The following JAZF1 variants were observed in gnomAD, a reference collection of about 807,000 sequenced individuals.
The protein encoded by JAZF1 is JAZF zinc finger 1, also known as juxtaposed with another zinc finger protein 1.
JAZF1 carries 8 observed loss-of-function variants against 26.4 expected under a neutral mutation model. The observed-to-expected ratio is 0.30, with a 90% CI of 0.18 to 0.55. The LOEUF (loss-of-function observed/expected upper bound fraction) is 0.55. Ranked by LOEUF, JAZF1 falls within the 20% of genes least tolerant of loss-of-function variation. The probability of loss-of-function intolerance (pLI) is 0.94; values close to 1 mark genes in which losing one functional copy is unlikely to be tolerated. For missense variants in JAZF1, 199 were observed against 322.0 expected, an observed-to-expected ratio of 0.62 and a Z score of 2.92; for synonymous variants, 126 against 122.3, an observed-to-expected ratio of 1.03 and a Z score of -0.20.
chr7:28,028,700 A>G (rs553185235), intron 1 of JAZF1, among the ~76,000 whole-genome samples: 9 of 152,340 alleles, frequency 5.9e-5, no homozygotes, highest in African/African-American at 1.9e-4. Flanking sequence ...AACTCTATTA[A>G]GCGTTGGTGA....
At chr7:27,980,985 A>G (rs1311083527) in intron 2 of JAZF1, among the ~76,000 whole-genome samples, 1 of 152,184 alleles carries the variant, frequency 6.6e-6, no homozygotes, top group African/African-American at 2.4e-5. Flanking sequence ...CTACAAATAC[A>G]TATCCAAAGT....
chr7:28,008,207 T>G (rs1407994728), intron 1 of JAZF1, among the ~76,000 whole-genome samples: 5 of 151,970 alleles, frequency 3.3e-5, no homozygotes, highest in African/African-American at 9.7e-5. Flanking sequence ...TTTTAATTAT[T>G]TATTTTTAAA....
chr7:27,894,102 A>G (rs961065400), intron 3 of JAZF1, among the ~76,000 whole-genome samples: 1 of 152,210 alleles, frequency 6.6e-6, no homozygotes. Flanking sequence ...GGAAGACAAG[A>G]GTGATCTTGT....
chr7:27,852,418 G>GATT (rs1783168886), intron 3 of JAZF1, among the ~76,000 whole-genome samples: 1 of 152,146 alleles, frequency 6.6e-6, no homozygotes, highest in African/African-American at 2.4e-5. Flanking sequence ...ACAGGCATGA[G>GATT]CCACTGCACC....
intron 3 of JAZF1, among the ~76,000 whole-genome samples, chr7:27,871,408 C>T (rs1361314554): frequency 1.3e-5 from 2 of 152,316 alleles, no homozygotes; most frequent in South Asian, 2.1e-4. Context: ...AGGAGAATAC[C>T]ACTTTTCATC....
chr7:28,123,613 C>T (rs976042857), intron 1 of JAZF1, among the ~76,000 whole-genome samples: 1 of 152,230 alleles, frequency 6.6e-6, no homozygotes, highest in Non-Finnish European at 1.5e-5. Flanking sequence ...GTGCTGGCCA[C>T]AAAGCCTGGC....
intron 1 of JAZF1, among the ~76,000 whole-genome samples, chr7:28,173,023 TC>T (rs1373365626): frequency 1.3e-5 from 2 of 152,214 alleles, no homozygotes; most frequent in Non-Finnish European, 2.9e-5. Context: ...AAAATCTTCT[TC>T]CAATTTTACC....
chr7:27,987,980 T>C (rs949263595), intron 2 of JAZF1, among the ~76,000 whole-genome samples: 1 of 152,168 alleles, frequency 6.6e-6, no homozygotes, highest in African/African-American at 2.4e-5. Context: ...AAACAGAGGC[T>C]TGAAGGCAGC....
At chr7:27,988,741 T>G (rs371898470) in intron 2 of JAZF1, among the ~76,000 whole-genome samples, 72 of 152,178 alleles carry the variant, frequency 4.7e-4, no homozygotes, top group African/African-American at 1.7e-3. Flanking sequence ...CATTATACTG[T>G]TTTATTTCTG....
At position 27,846,450 on chromosome 7, in the gene JAZF1, C is replaced by T. The variant is rs975788851; in HGVS notation, c.386-5583G>A. 8.5e-6 allele frequency: 4 copies of T among 469,522 alleles called. No homozygotes were observed. In the East Asian group the frequency reaches 2.1e-4, roughly 25 times the overall value. 29.1% of individuals were successfully genotyped at this position (469,522 alleles called of 1,614,324 possible). A position where few individuals can be genotyped will look rare whatever the true frequency, so the allele number is the denominator to read the frequency against. On this transcript the variant is annotated intron_variant, in intron 3 of 4. Coordinates refer to ENST00000283928, the MANE Select transcript of JAZF1 (RefSeq NM_175061.4). ...ACACACAGATTCTTGGTGCATTCAT[C>T]CACCGATGGACAAGTTGGTTGTTTC...
intron 2 of JAZF1, among the ~76,000 whole-genome samples, chr7:27,981,721 T>C (rs1404038364): frequency 1.3e-5 from 2 of 152,246 alleles, no homozygotes; most frequent in East Asian, 1.9e-4. Context: ...TTTTCTATAA[T>C]GCCTATAGAC....
intron 3 of JAZF1, among the ~76,000 whole-genome samples, chr7:27,873,971 T>G (rs1237612301): frequency 6.6e-6 from 1 of 152,260 alleles, no homozygotes; most frequent in Non-Finnish European, 1.5e-5. Flanking sequence ...CAAACAGATT[T>G]GCCAGGCGTG....
chr7:28,015,946 C>T (rs1009011739), intron 1 of JAZF1, among the ~76,000 whole-genome samples: 8 of 152,170 alleles, frequency 5.3e-5, no homozygotes, highest in East Asian at 1.9e-4. Flanking sequence ...ACCACAGGCC[C>T]GGGCATCTCA....
At chr7:27,902,739 G>A (rs1454342245) in intron 2 of JAZF1, among the ~76,000 whole-genome samples, 1 of 152,184 alleles carries the variant, frequency 6.6e-6, no homozygotes, top group South Asian at 2.1e-4. Context: ...TTAACATGCT[G>A]GGCACGGTGG....
At chr7:27,855,751 C>G (rs1312147350) in intron 3 of JAZF1, among the ~76,000 whole-genome samples, 1 of 152,124 alleles carries the variant, frequency 6.6e-6, no homozygotes, top group Admixed American at 6.5e-5. Flanking sequence ...AGCCCAGGAC[C>G]AGATGGATTC....
intron 2 of JAZF1, among the ~76,000 whole-genome samples, chr7:27,937,372 T>A (rs1313234600): frequency 6.6e-6 from 1 of 152,200 alleles, no homozygotes; most frequent in Non-Finnish European, 1.5e-5. Flanking sequence ...TGGTGACCAG[T>A]ATGAATAGCT....
At chr7:27,933,594 C>T (rs1784719049) in intron 2 of JAZF1, among the ~76,000 whole-genome samples, 2 of 152,196 alleles carry the variant, frequency 1.3e-5, no homozygotes, top group South Asian at 4.1e-4. Context: ...TTTACAACAA[C>T]AGAGTAATTT....
intron 2 of JAZF1, among the ~76,000 whole-genome samples, chr7:27,921,489 G>A (rs1386450728): frequency 3.9e-5 from 6 of 152,074 alleles, no homozygotes; most frequent in South Asian, 2.1e-4. Context: ...TCAAAACTTC[G>A]TAAATCAGAT....
chr7:27,878,661 A>T (rs1419331480), intron 3 of JAZF1, among the ~76,000 whole-genome samples: 1 of 152,170 alleles, frequency 6.6e-6, no homozygotes, highest in Non-Finnish European at 1.5e-5. Context: ...CGGGGCAGTA[A>T]CGCATTTTGT....
Sources: allele counts gnomAD v4.1 joint callset (sites outside exome capture counted in the v4.1 genomes callset), GRCh38; gene constraint gnomAD v4.1.1; transcripts MANE v1.5; gene names NCBI Gene and HGNC (gene_info 2026-07-23, HGNC 2026-07-21).